ABTB3: variants seen among roughly 807,000 people sequenced by gnomAD.
The protein encoded by ABTB3 is ankyrin repeat- and BTB/POZ domain-containing protein 3.
the ABTB3 span, among the ~76,000 whole-genome samples, chr12:107,533,688 A>G: frequency 2.0e-5 from 3 of 152,256 alleles, no homozygotes; most frequent in African/African-American, 7.2e-5. Flanking sequence ...GGGGACTTCA[A>G]CAGCCCACTT....
At chr12:107,393,952 A>T in the ABTB3 span, among the ~76,000 whole-genome samples, 1 of 152,170 alleles carries the variant, frequency 6.6e-6, no homozygotes, top group African/African-American at 2.4e-5. Context: ...AAAAAAAAAG[A>T]ATGAATGATA....
At chr12:107,319,287 C>A in the ABTB3 span, 3 of 1,545,162 alleles carry the variant, frequency 1.9e-6, no homozygotes, top group African/African-American at 2.7e-5. Context: ...GATCCCCGGG[C>A]AGGCCCGGCG....
At chr12:107,512,101 G>A in the ABTB3 span, among the ~76,000 whole-genome samples, 3 of 152,022 alleles carry the variant, frequency 2.0e-5, no homozygotes, top group Admixed American at 6.6e-5. Flanking sequence ...AATCTACATA[G>A]TTCTGTTTAC....
chr12:107,608,141 T>C, the ABTB3 span, among the ~76,000 whole-genome samples: 1 of 152,102 alleles, frequency 6.6e-6, no homozygotes, highest in African/African-American at 2.4e-5. Context: ...GTGGTGCATA[T>C]CTGAGGCGGA....
the ABTB3 span, among the ~76,000 whole-genome samples, chr12:107,527,978 T>C: frequency 6.6e-6 from 1 of 152,144 alleles, no homozygotes; most frequent in Non-Finnish European, 1.5e-5. Flanking sequence ...GAGAAAAGGG[T>C]GACAATACCT....
At chr12:107,320,842 T>C in the ABTB3 span, among the ~76,000 whole-genome samples, 3 of 151,284 alleles carry the variant, frequency 2.0e-5, no homozygotes, top group African/African-American at 7.3e-5. Flanking sequence ...TCTGGGGATC[T>C]GGGCAGGATG....
the ABTB3 span, among the ~76,000 whole-genome samples, chr12:107,623,257 C>A: frequency 1.3e-5 from 2 of 151,346 alleles, no homozygotes; most frequent in Non-Finnish European, 2.9e-5. Context: ...GGCAGGATTT[C>A]ACCGTGTTGG....
chr12:107,467,704 C>T, the ABTB3 span, among the ~76,000 whole-genome samples: 2 of 152,166 alleles, frequency 1.3e-5, no homozygotes, highest in African/African-American at 2.4e-5. Context: ...CCAGAGAAAC[C>T]AGCTTCTTGA....
the ABTB3 span, among the ~76,000 whole-genome samples, chr12:107,455,269 A>G: frequency 6.6e-6 from 1 of 152,196 alleles, no homozygotes. Context: ...ATCTTAGGCA[A>G]GTTTTCTAAA....
At chr12:107,482,725 T>A in the ABTB3 span, among the ~76,000 whole-genome samples, 1 of 152,026 alleles carries the variant, frequency 6.6e-6, no homozygotes, top group Non-Finnish European at 1.5e-5. Context: ...ATAGGATATC[T>A]CCTCTTCCTG....
At chr12:107,336,200 G>A in the ABTB3 span, among the ~76,000 whole-genome samples, 6 of 152,308 alleles carry the variant, frequency 3.9e-5, no homozygotes, top group Admixed American at 2.0e-4. Context: ...GTCAAACTTG[G>A]CACATCCACC....
At chr12:107,564,632 C>T in the ABTB3 span, among the ~76,000 whole-genome samples, 1 of 152,184 alleles carries the variant, frequency 6.6e-6, no homozygotes, top group Non-Finnish European at 1.5e-5. Context: ...AAACAACTAT[C>T]AATTTAACCC....
At chr12:107,595,061 G>A in the ABTB3 span, among the ~76,000 whole-genome samples, 38 of 151,816 alleles carry the variant, frequency 2.5e-4, no homozygotes, top group African/African-American at 8.2e-4. Flanking sequence ...GACAAAAATC[G>A]CCCCTGGTTG....
At chr12:107,466,526 G>C in the ABTB3 span, among the ~76,000 whole-genome samples, 1 of 152,064 alleles carries the variant, frequency 6.6e-6, no homozygotes, top group Non-Finnish European at 1.5e-5. Flanking sequence ...TGGCTTCTCG[G>C]TGGGTGTCAA....
chr12:107,362,784 CCTGT>C, the ABTB3 span, among the ~76,000 whole-genome samples: 1 of 151,440 alleles, frequency 6.6e-6, no homozygotes. Context: ...CAGAACAAAC[CCTGT>C]CTAAAAAAAA....
chr12:107,491,179 T>C, the ABTB3 span, among the ~76,000 whole-genome samples: 1 of 152,152 alleles, frequency 6.6e-6, no homozygotes, highest in Admixed American at 6.5e-5. Flanking sequence ...TGTTCATCTG[T>C]TCTTCCATCA....
chr12:107,461,741 G>C, the ABTB3 span, among the ~76,000 whole-genome samples: 1 of 152,170 alleles, frequency 6.6e-6, no homozygotes, highest in South Asian at 2.1e-4. Context: ...AATAAGCTTA[G>C]AGTCAGAAAG....
the ABTB3 span, among the ~76,000 whole-genome samples, chr12:107,547,428 G>A: frequency 1.3e-5 from 2 of 152,228 alleles, no homozygotes; most frequent in South Asian, 4.2e-4. Flanking sequence ...TTTCCCTCTT[G>A]AATCTCCTTC....
chr12:107,640,164 C>A, the ABTB3 span: 1 of 544,814 alleles, frequency 1.8e-6, no homozygotes, highest in South Asian at 2.7e-5. Context: ...CTGATTAGTC[C>A]TGTCTGCTGT....
Sources: gnomAD v4.1 joint callset for allele counts (sites outside exome capture counted in the v4.1 genomes callset) on GRCh38, gnomAD v4.1.1 for gene constraint, MANE v1.5 for transcripts, NCBI Gene and HGNC (gene_info 2026-07-23, HGNC 2026-07-21) for gene names.